Variants in MNAT1 observed in about 807,000 individuals in gnomAD.
The protein encoded by MNAT1 is CDK-activating kinase assembly factor MAT1.
In MNAT1, 43 loss-of-function variants were observed where a neutral mutation model predicts 42.0. That is an observed-to-expected ratio of 1.02 (90% CI 0.80 to 1.32). The LOEUF (loss-of-function observed/expected upper bound fraction) is 1.32. Among genes scored for constraint, MNAT1 ranks in the 40% most tolerant of loss-of-function variants. MNAT1 has a pLI of 0.00. For synonymous variants in MNAT1, 118 were observed against 120.0 expected (o/e 0.98, Z 0.11); for missense variants, 306 against 350.4 (o/e 0.87, Z 1.01).
rs754059477 is a variant in MNAT1 at position 60,766,372 on chromosome 14, A to G, written c.90-29845A>G. Reference sequence around the variant, plus strand: ...AAAAAAAAAAAGAAAAAAAAGAAATACAAATTACTCCCCCTTACTCCTTTT... The same window carrying G: ...AAAAAAAAAAAGAAAAAAAAGAAATGCAAATTACTCCCCCTTACTCCTTTT... On this transcript the variant is annotated intron_variant, in intron 1 of 7. Transcript: ENST00000261245. Among the ~76,000 whole-genome samples the G allele has an allele frequency of 2.0e-5, 3 of 151,220 alleles. No homozygotes were observed. The South Asian group carries it at 6.3e-4, about 32-fold the overall frequency.
rs1465360826 is a variant in MNAT1, at chr14:60,869,040, A to ATATATGTATTT, written c.688-10673_688-10672insATATGTATTTT. On this transcript the variant is annotated intron_variant, in intron 6 of 7. Transcript: ENST00000261245. The stretch of plus-strand genomic sequence containing the variant: ...ATTTTATACATATATATATATATAT[A>ATATATGTATTT]TTTTTTTTTTTTTTTTTGAGACGGA... Among the ~76,000 whole-genome samples the ATATATGTATTT allele has an allele frequency of 4.9e-4, 55 of 113,028 alleles. 1 individual carries two copies. The highest frequency in any genetic ancestry group is 1.6e-3 in the African/African-American group (48 of 29,428). The allele number at this position is 113,028 out of a possible 152,430, so 74.2% of individuals were successfully genotyped here. A position where few individuals can be genotyped will look rare whatever the true frequency, so the allele number is the denominator to read the frequency against.
At chr14:60,806,355 T>G (rs1468790703) in intron 3 of MNAT1, among the ~76,000 whole-genome samples, 1 of 152,098 alleles carries the variant, frequency 6.6e-6, no homozygotes. Flanking sequence ...TGGGTTGAGG[T>G]TGGTACTGAG....
At chr14:60,823,214 A>C (rs1452190800) in intron 6 of MNAT1, among the ~76,000 whole-genome samples, 1 of 152,198 alleles carries the variant, frequency 6.6e-6, no homozygotes, top group Non-Finnish European at 1.5e-5. Flanking sequence ...ATCAAATTCT[A>C]AAACTGAAAA....
chr14:60,949,009 C>G (rs2036332967), intron 7 of MNAT1, among the ~76,000 whole-genome samples: 1 of 152,090 alleles, frequency 6.6e-6, no homozygotes, highest in Non-Finnish European at 1.5e-5. Flanking sequence ...ATTCTTCTCA[C>G]TTATTTTACA....
intron 1 of MNAT1, chr14:60,780,410 T>C: frequency 1.3e-6 from 2 of 1,568,852 alleles, no homozygotes; most frequent in South Asian, 2.2e-5. Flanking sequence ...TCTGCCACTG[T>C]TGGAAGTTTC....
intron 1 of MNAT1, among the ~76,000 whole-genome samples, chr14:60,753,236 C>G (rs2030179622): frequency 1.3e-5 from 2 of 152,112 alleles, no homozygotes; most frequent in African/African-American, 4.8e-5. Context: ...AGCTGGGGCT[C>G]TATTCATTTG....
chr14:60,742,608 T>C (rs908275427), intron 1 of MNAT1, among the ~76,000 whole-genome samples: 1 of 152,156 alleles, frequency 6.6e-6, no homozygotes, highest in East Asian at 1.9e-4. Context: ...GATGTACATA[T>C]TACCCCACAA....
chr14:60,751,088 C>T (rs2030071090), intron 1 of MNAT1, among the ~76,000 whole-genome samples: 1 of 151,548 alleles, frequency 6.6e-6, no homozygotes, highest in Non-Finnish European at 1.5e-5. Flanking sequence ...TTTATGTCTC[C>T]CTCCACCTTC....
intron 7 of MNAT1, among the ~76,000 whole-genome samples, chr14:60,891,521 G>A (rs1276239449): frequency 6.6e-6 from 1 of 151,822 alleles, no homozygotes; most frequent in Non-Finnish European, 1.5e-5. Flanking sequence ...GCATGATTCA[G>A]CTAACTGCAA....
chr14:60,886,601 A>G (rs1436164406), intron 7 of MNAT1, among the ~76,000 whole-genome samples: 2 of 151,960 alleles, frequency 1.3e-5, no homozygotes, highest in African/African-American at 4.8e-5. Flanking sequence ...GTATAAAGAA[A>G]TATAGCTGAT....
chr14:60,769,967 C>T (rs889455493), intron 1 of MNAT1, among the ~76,000 whole-genome samples: 6 of 152,110 alleles, frequency 3.9e-5, no homozygotes, highest in Admixed American at 2.0e-4. Flanking sequence ...TCCTGGCCAC[C>T]ATCTTTACCT....
chr14:60,888,033 G>T (rs1482813285), intron 7 of MNAT1, among the ~76,000 whole-genome samples: 1 of 149,892 alleles, frequency 6.7e-6, no homozygotes, highest in Non-Finnish European at 1.5e-5. Context: ...GGAGGAACTG[G>T]TACCATTCCT....
At position 60,892,072 on chromosome 14, in the gene MNAT1, G is replaced by A. The variant is rs2034857512; in HGVS notation, c.809+12237G>A. Among the ~76,000 whole-genome samples the A allele has an allele frequency of 3.3e-5, 5 of 152,022 alleles. No homozygotes were observed. In the South Asian group the frequency reaches 1.0e-3, roughly 32 times the overall value. ...CACTTAAATTATGGCCTAAAATATGGCCTGTCCTGGAAAATGTTCCATGTG... is the reference window on the plus strand; with the variant it reads ...CACTTAAATTATGGCCTAAAATATGACCTGTCCTGGAAAATGTTCCATGTG... On this transcript the variant is annotated intron_variant, in intron 7 of 7. Coordinates refer to ENST00000261245, the MANE Select transcript of MNAT1 (RefSeq NM_002431.4).
chr14:60,767,483 G>A lies in MNAT1; in HGVS notation c.90-28734G>A, dbSNP rs533289859. Among the ~76,000 whole-genome samples the A allele has an allele frequency of 1.9e-3, 288 of 152,302 alleles. 1 individual carries two copies. The highest frequency in any genetic ancestry group is 3.2e-3 in the Admixed American group (49 of 15,302). On this transcript the variant is annotated intron_variant, in intron 1 of 7. Transcript: ENST00000261245. The stretch of plus-strand genomic sequence containing the variant: ...AGGGACTTAAGATACATAGAGGATG[G>A]CTGAAGAAAGTAAATAAAATCCAAG...
intron 1 of MNAT1, among the ~76,000 whole-genome samples, chr14:60,785,964 A>G (rs1249245970): frequency 6.6e-6 from 1 of 152,146 alleles, no homozygotes; most frequent in African/African-American, 2.4e-5. Context: ...AATGAATTAT[A>G]TATATTTTTT....
At chr14:60,904,976 C>CTTTTTTTTTTTTT (rs3081651) in intron 7 of MNAT1, among the ~76,000 whole-genome samples, 11,625 of 78,666 alleles carry the variant, frequency 0.15, 2,589 homozygotes, top group Non-Finnish European at 0.19. Context: ...TCAGCAGTTC[C>CTTTTTTTTTTTTT]TTTTTTTTTT....
chr14:60,866,668 GTAGT>G (rs1012848473), intron 6 of MNAT1, among the ~76,000 whole-genome samples: 93 of 152,120 alleles, frequency 6.1e-4, no homozygotes, highest in African/African-American at 2.1e-3. Flanking sequence ...ATATATCACT[GTAGT>G]TAGTGTCTAT....
intron 3 of MNAT1, among the ~76,000 whole-genome samples, chr14:60,798,846 A>T (rs543661660): frequency 3.3e-5 from 5 of 152,182 alleles, no homozygotes; most frequent in Non-Finnish European, 7.4e-5. Context: ...TTTGGAAATG[A>T]CACAAAGGTT....
At chr14:60,883,601 T>A (rs536402777) in intron 7 of MNAT1, among the ~76,000 whole-genome samples, 43 of 152,222 alleles carry the variant, frequency 2.8e-4, no homozygotes, top group Non-Finnish European at 5.3e-4. Context: ...AGGAATTTTT[T>A]AATTTCTGTG....
Sources: gnomAD v4.1 joint callset for allele counts (sites outside exome capture counted in the v4.1 genomes callset) on GRCh38, gnomAD v4.1.1 for gene constraint, MANE v1.5 for transcripts, NCBI Gene and HGNC (gene_info 2026-07-23, HGNC 2026-07-21) for gene names.